DAB1: variants seen among roughly 807,000 people sequenced by gnomAD.
The protein encoded by DAB1 is DAB adaptor protein 1.
Under a neutral mutation model 64.6 loss-of-function variants are expected in DAB1, and 15 were observed. The ratio of observed to expected loss-of-function variants is 0.23; its 90% confidence interval spans 0.16 to 0.36. DAB1 has a LOEUF of 0.36. Ranked by LOEUF, DAB1 falls within the 10% of genes least tolerant of loss-of-function variation. The pLI is 1.00. For missense variants in DAB1, 596 were observed against 706.7 expected (o/e 0.84, Z 1.78); for synonymous variants, 235 against 251.9 (o/e 0.93, Z 0.64).
intron 6 of DAB1, among the ~76,000 whole-genome samples, chr1:57,795,723 A>ACATATATATATACG: frequency 8.2e-6 from 1 of 121,310 alleles, no homozygotes; most frequent in South Asian, 2.6e-4. Flanking sequence ...ATATATATAT[A>ACATATATATATACG]TATATATATA....
At chr1:58,117,842 GT>G (rs35807060) in intron 5 of DAB1, among the ~76,000 whole-genome samples, 18 of 145,672 alleles carry the variant, frequency 1.2e-4, no homozygotes, top group Middle Eastern at 3.6e-3. Flanking sequence ...ATCATGCTTT[GT>G]TTTTTTTTTT....
chr1:57,281,191 T>A (rs1050080149), intron 2 of DAB1, among the ~76,000 whole-genome samples: 5 of 152,092 alleles, frequency 3.3e-5, no homozygotes, highest in African/African-American at 4.8e-5. Context: ...TCCTCACAGA[T>A]CTCCCAGCCT....
intron 9 of DAB1, among the ~76,000 whole-genome samples, chr1:57,061,753 T>C (rs1398207876): frequency 6.6e-6 from 1 of 152,204 alleles, no homozygotes; most frequent in Non-Finnish European, 1.5e-5. Context: ...GGGATGGAGT[T>C]TCACATCCCC....
intron 3 of DAB1, among the ~76,000 whole-genome samples, chr1:58,348,745 C>A (rs1012192553): frequency 6.6e-6 from 1 of 152,076 alleles, no homozygotes; most frequent in Admixed American, 6.6e-5. Context: ...ATTTTACACA[C>A]GTTGGGAAGT....
intron 4 of DAB1, among the ~76,000 whole-genome samples, chr1:57,084,494 A>G (rs985251316): frequency 2.6e-5 from 4 of 152,198 alleles, no homozygotes; most frequent in Non-Finnish European, 5.9e-5. Context: ...CAGCCCTTGG[A>G]AACTAAATAC....
At chr1:58,307,653 G>A (rs910577787) in intron 4 of DAB1, among the ~76,000 whole-genome samples, 6 of 152,092 alleles carry the variant, frequency 3.9e-5, no homozygotes, top group South Asian at 4.1e-4. Flanking sequence ...TGGAAGAAAT[G>A]CCTGAAAGTT....
chr1:58,209,394 A>C (rs1237703520), intron 4 of DAB1, among the ~76,000 whole-genome samples: 1 of 152,208 alleles, frequency 6.6e-6, no homozygotes, highest in African/African-American at 2.4e-5. Flanking sequence ...TGAAGCAAAA[A>C]CATTTTGTTA....
intron 4 of DAB1, among the ~76,000 whole-genome samples, chr1:58,235,976 G>A (rs1333272961): frequency 1.3e-5 from 2 of 152,176 alleles, no homozygotes; most frequent in African/African-American, 4.8e-5. Context: ...AAGCCACCTC[G>A]GCCCATGTGC....
chr1:57,619,244 G>A (rs1219863547), intron 7 of DAB1, among the ~76,000 whole-genome samples: 1 of 152,010 alleles, frequency 6.6e-6, no homozygotes, highest in Non-Finnish European at 1.5e-5. Flanking sequence ...AACAGTTAGG[G>A]GGACAAAACC....
intron 5 of DAB1, among the ~76,000 whole-genome samples, chr1:57,910,384 C>G (rs1374634823): frequency 6.6e-6 from 1 of 152,216 alleles, no homozygotes; most frequent in African/African-American, 2.4e-5. Context: ...GGCTCCAAAG[C>G]TAGTTTAATT....
chr1:58,490,239 G>A (rs981895598), intron 3 of DAB1, among the ~76,000 whole-genome samples: 3 of 152,194 alleles, frequency 2.0e-5, no homozygotes, highest in East Asian at 3.8e-4. Flanking sequence ...ATGCAGAGAA[G>A]TCCTTAAAGG....
At chr1:57,857,485 C>A (rs1436044457) in intron 1 of DAB1, among the ~76,000 whole-genome samples, 2 of 152,100 alleles carry the variant, frequency 1.3e-5, no homozygotes, top group East Asian at 1.9e-4. Context: ...GTGTGCCAGA[C>A]CCTGTTGTAG....
intron 2 of DAB1, among the ~76,000 whole-genome samples, chr1:57,254,447 A>G (rs1669603517): frequency 6.6e-6 from 1 of 152,270 alleles, no homozygotes; most frequent in Admixed American, 6.5e-5. Flanking sequence ...CACTGGTGTG[A>G]AATGCCTTTA....
chr1:57,202,656 A>G (rs1665199045), intron 2 of DAB1, among the ~76,000 whole-genome samples: 1 of 152,220 alleles, frequency 6.6e-6, no homozygotes, highest in African/African-American at 2.4e-5. Context: ...TTGGATCAGC[A>G]CTTTACAGTT....
chr1:58,437,798 T>G (rs912997183), intron 3 of DAB1, among the ~76,000 whole-genome samples: 1 of 152,044 alleles, frequency 6.6e-6, no homozygotes, highest in South Asian at 2.1e-4. Flanking sequence ...CCCTTCCAGG[T>G]CATGTGACAC....
rs147846529 is a variant in DAB1 at position 57,808,759 on chromosome 1, C to T, written n.551+75240G>A. 1.0e-3 allele frequency among the ~76,000 whole-genome samples: 152 copies of T among 152,252 alleles called. 1 individual carries two copies. Among genetic ancestry groups the T allele is most frequent in the African/African-American group, 3.6e-3 (151 of 41,548 alleles). ...TTAGTTTTCAAAATGCTTTCACATGCGTTATCTCATTTGATTCTACTCCAA... is the reference window on the plus strand; with the variant it reads ...TTAGTTTTCAAAATGCTTTCACATGTGTTATCTCATTTGATTCTACTCCAA... On this transcript the variant is annotated intron_variant and non_coding_transcript_variant, in intron 6 of 20. Coordinates refer to the DAB1 transcript ENST00000485760.
At chr1:57,792,766 C>T (rs1267411818) in intron 6 of DAB1, among the ~76,000 whole-genome samples, 1 of 152,160 alleles carries the variant, frequency 6.6e-6, no homozygotes, top group East Asian at 1.9e-4. Context: ...GTTTAGAGAG[C>T]TTGGTTTCCT....
chr1:58,489,394 G>A (rs1338722813), intron 3 of DAB1, among the ~76,000 whole-genome samples: 7 of 152,234 alleles, frequency 4.6e-5, no homozygotes, highest in Non-Finnish European at 1.0e-4. Context: ...GAGGCTGGGG[G>A]AGGGGTGCCT....
intron 1 of DAB1, among the ~76,000 whole-genome samples, chr1:57,311,323 T>C (rs1397696458): frequency 1.3e-5 from 2 of 152,250 alleles, no homozygotes; most frequent in East Asian, 3.9e-4. Flanking sequence ...TTTGTCCTGT[T>C]TCTCTAGGTG....
Sources: gnomAD v4.1 joint callset for allele counts (sites outside exome capture counted in the v4.1 genomes callset) on GRCh38, gnomAD v4.1.1 for gene constraint, MANE v1.5 for transcripts, NCBI Gene and HGNC (gene_info 2026-07-23, HGNC 2026-07-21) for gene names.